The following EPHB2 variants were observed in gnomAD, a reference collection of about 807,000 sequenced individuals.
The protein encoded by EPHB2 is ephrin type-B receptor 2.
EPHB2 carries 18 observed loss-of-function variants against 96.4 expected under a neutral mutation model. That is an observed-to-expected ratio of 0.19 (90% confidence interval 0.13 to 0.28). The LOEUF is 0.28. Among genes scored for constraint, EPHB2 ranks in the 10% least tolerant of loss-of-function variants. The pLI is 1.00. For missense variants in EPHB2, 989 were observed against 1,355.4 expected (o/e 0.73, Z 4.25); for synonymous variants, 506 against 534.1 (o/e 0.95, Z 0.72).
chr1:22,748,773 T>A (rs1018816475), intron 1 of EPHB2, among the ~76,000 whole-genome samples: 5 of 149,442 alleles, frequency 3.3e-5, no homozygotes, highest in Non-Finnish European at 7.4e-5. Flanking sequence ...ATAAAATAAA[T>A]TATATAATTT....
chr1:22,712,148 C>A (rs1359707112), intron 1 of EPHB2, among the ~76,000 whole-genome samples: 2 of 152,194 alleles, frequency 1.3e-5, no homozygotes, highest in African/African-American at 2.4e-5. Flanking sequence ...CGCCCACCAG[C>A]GTGTTGGATC....
chr1:22,723,966 G>GA (rs1643527094), intron 1 of EPHB2, among the ~76,000 whole-genome samples: 3 of 152,200 alleles, frequency 2.0e-5, no homozygotes, highest in Non-Finnish European at 4.4e-5. Flanking sequence ...TCCTACAGAT[G>GA]AAAAAATTAA....
At chr1:22,711,960 A>G (rs1051084251) in intron 1 of EPHB2, among the ~76,000 whole-genome samples, 1 of 152,194 alleles carries the variant, frequency 6.6e-6, no homozygotes, top group Non-Finnish European at 1.5e-5. Context: ...TCCACCAGGA[A>G]TGGCCGAGCT....
chr1:22,905,992 C>A lies in EPHB2; in HGVS notation c.1771C>A (p.Pro591Thr). Residue 591 changes from proline (P) to threonine (T), a missense_variant, in exon 10 of 16, where the codon CCA (proline) becomes ACA (threonine). Transcript: ENST00000374630. ...AGCCTGGTCTTGTCCCCCAGTGACCCCAGGCATGAAGATCTACATCGATCC... is the reference window on the plus strand; with the variant it reads ...AGCCTGGTCTTGTCCCCCAGTGACCACAGGCATGAAGATCTACATCGATCC... Reference protein sequence around the residue: ...LQHYTSGHMTPGMKIYIDPFT... With the variant: ...LQHYTSGHMTTGMKIYIDPFT... 6.2e-7 allele frequency: 1 copy of A among 1,614,060 alleles called. No individual in the cohort carries two copies. The highest frequency in any genetic ancestry group is 8.5e-7 in the Non-Finnish European group (1 of 1,180,010).
chr1:22,806,202 A>T (rs1454930489), intron 3 of EPHB2, among the ~76,000 whole-genome samples: 3 of 152,230 alleles, frequency 2.0e-5, no homozygotes, highest in Non-Finnish European at 4.4e-5. Context: ...CACAGGGCAA[A>T]CACTTTATAA....
intron 1 of EPHB2, among the ~76,000 whole-genome samples, chr1:22,742,851 G>C (rs1036135632): frequency 3.3e-5 from 5 of 152,006 alleles, no homozygotes; most frequent in South Asian, 2.1e-4. Flanking sequence ...GTTTGCTCAG[G>C]GTCCTTGTTC....
At chr1:22,796,795 G>T (rs1192912862) in intron 3 of EPHB2, among the ~76,000 whole-genome samples, 2 of 152,206 alleles carry the variant, frequency 1.3e-5, no homozygotes, top group Non-Finnish European at 2.9e-5. Flanking sequence ...TCTGTGCCAG[G>T]CTGCTGCCTT....
At chr1:22,842,154 ACT>A (rs1645478563) in intron 3 of EPHB2, among the ~76,000 whole-genome samples, 1 of 151,206 alleles carries the variant, frequency 6.6e-6, no homozygotes, top group Non-Finnish European at 1.5e-5. Context: ...GTGGCTACAG[ACT>A]CTGCATAGCC....
At position 22,918,911 on chromosome 1, in the gene EPHB2, C is replaced by T. The variant is rs1640331609; in HGVS notation, c.*5341C>T. ...CTTTATGAGTGAGGAAACTGATTCC[C>T]AGAGGTGATTCCCAGAAGATTCCAA... On this transcript the variant is annotated 3_prime_UTR_variant, in exon 16 of 16. Transcript: ENST00000374630. This position sits in a 1 kb window ranked among gnomAD's most constrained non-coding sequence, Gnocchi z 4.2. 6.6e-6 allele frequency: 1 copy of T among 152,204 alleles called. No individual in the cohort carries two copies. Among genetic ancestry groups the T allele is most frequent in the Non-Finnish European group, 1.5e-5 (1 of 68,034 alleles). 9.4% of individuals were successfully genotyped at this position (152,204 alleles called of 1,614,324 possible).
At chr1:22,873,165 G>T (rs1295491954) in intron 5 of EPHB2, among the ~76,000 whole-genome samples, 2 of 152,222 alleles carry the variant, frequency 1.3e-5, no homozygotes, top group African/African-American at 4.8e-5. Flanking sequence ...AGCTAGCTGG[G>T]GAGTCTCAGG....
chr1:22,806,484 C>T (rs971716964), intron 3 of EPHB2, among the ~76,000 whole-genome samples: 3 of 74,404 alleles, frequency 4.0e-5, no homozygotes, highest in African/African-American at 8.2e-5. Context: ...GATGGACGGA[C>T]GGACGGACGG....
intron 9 of EPHB2, among the ~76,000 whole-genome samples, chr1:22,902,478 T>C (rs1639781683): frequency 6.6e-6 from 1 of 152,190 alleles, no homozygotes; most frequent in Non-Finnish European, 1.5e-5. Flanking sequence ...GAGCTTCCAA[T>C]ACCCCAAAAT....
chr1:22,911,497 G>A (rs1640103962), intron 14 of EPHB2, among the ~76,000 whole-genome samples: 1 of 152,162 alleles, frequency 6.6e-6, no homozygotes, highest in Admixed American at 6.6e-5. Flanking sequence ...GCATCCCCAT[G>A]CCTGAGAGAC....
chr1:22,721,380 G>C (rs1643461930), intron 1 of EPHB2, among the ~76,000 whole-genome samples: 1 of 152,144 alleles, frequency 6.6e-6, no homozygotes, highest in African/African-American at 2.4e-5. Flanking sequence ...CAGGAAATCT[G>C]GCCTAACGTA....
intron 1 of EPHB2, among the ~76,000 whole-genome samples, chr1:22,714,755 G>A (rs910567298): frequency 6.6e-6 from 1 of 152,204 alleles, no homozygotes; most frequent in African/African-American, 2.4e-5. Context: ...AAGCCAGCTT[G>A]TCGGTTCCCG....
intron 7 of EPHB2, 112 bp from the exon 8 acceptor site, chr1:22,895,360 G>C: frequency 1.0e-6 from 1 of 964,190 alleles, no homozygotes; most frequent in South Asian, 1.3e-5. Context: ...TCAGGGGCAG[G>C]AACAGAGTCT....
At chr1:22,780,956 G>A (rs1268738059) in intron 1 of EPHB2, among the ~76,000 whole-genome samples, 1 of 152,070 alleles carries the variant, frequency 6.6e-6, no homozygotes, top group Admixed American at 6.5e-5. Flanking sequence ...GGGCAGTCTG[G>A]AGAGTTAGAG....
intron 1 of EPHB2, among the ~76,000 whole-genome samples, chr1:22,734,453 G>A (rs957697021): frequency 7.0e-5 from 10 of 142,294 alleles, no homozygotes; most frequent in Non-Finnish European, 1.4e-4. Context: ...ACTGAGTTTC[G>A]CTCTATTGCC....
chr1:22,872,733 CT>C (rs1476457178), intron 5 of EPHB2, among the ~76,000 whole-genome samples: 1 of 152,242 alleles, frequency 6.6e-6, no homozygotes, highest in African/African-American at 2.4e-5. Flanking sequence ...TCTCCAAAGC[CT>C]TTTCTGCCAC....
Sources: allele counts gnomAD v4.1 joint callset (sites outside exome capture counted in the v4.1 genomes callset), GRCh38; gene constraint gnomAD v4.1.1; non-coding constraint Gnocchi (gnomAD v3.1); transcripts MANE v1.5; gene names NCBI Gene and HGNC (gene_info 2026-07-23, HGNC 2026-07-21).